TMEM237: variants seen among roughly 807,000 people sequenced by gnomAD.
The protein encoded by TMEM237 is transmembrane protein 237, also known as amyotrophic lateral sclerosis 2 (juvenile) chromosome region, candidate 4.
In TMEM237, 51 loss-of-function variants were observed where a neutral mutation model predicts 59.1. That is an observed-to-expected ratio of 0.86 (90% CI 0.69 to 1.09). The LOEUF is 1.09. Among genes scored for constraint, TMEM237 ranks in the 50% least tolerant of loss-of-function variants. The pLI, the probability that TMEM237 is intolerant of heterozygous loss-of-function variation, is 0.00. For synonymous variants in TMEM237, 140 were observed against 166.1 expected (o/e 0.84, Z 1.21); for missense variants, 475 against 478.3 (o/e 0.99, Z 0.06).
Position 201,640,999 on chromosome 2 carries a change from T to C in TMEM237, c.43-75A>G, listed in dbSNP as rs573742013. On this transcript the variant is annotated intron_variant, in intron 1 of 12. Coordinates refer to ENST00000409883, the MANE Select transcript of TMEM237 (RefSeq NM_001044385.3). ...TTACTTCAAATACCATCACGCTATT[T>C]TTTTTTTTTTGAGATGGTGTATTGC... 7.3e-6 allele frequency: 10 copies of C among 1,371,376 alleles called. No individual in the cohort carries two copies. In the East Asian group the frequency reaches 2.0e-4, roughly 27 times the overall value. The allele number at this position is 1,371,376 out of a possible 1,614,324, so 85.0% of individuals were successfully genotyped here. A position where few individuals can be genotyped will look rare whatever the true frequency, so the allele number is the denominator to read the frequency against.
At chr2:201,640,183 C>A in intron 3 of TMEM237, 78 bp downstream of exon 3, 2 of 1,177,832 alleles carry the variant, frequency 1.7e-6, no homozygotes, top group East Asian at 5.2e-5. Context: ...CATTCAGACT[C>A]AGTTTTAAGA....
chr2:201,620,236 T>C lies in TMEM237; in HGVS notation c.*4019A>G, dbSNP rs1957684012. The C allele has an allele frequency of 6.6e-6, 1 of 152,210 alleles. No homozygotes were observed. Among genetic ancestry groups the C allele is most frequent in the Admixed American group, 6.5e-5 (1 of 15,282 alleles). 9.4% of individuals were successfully genotyped at this position (152,210 alleles called of 1,614,324 possible). On this transcript the variant is annotated 3_prime_UTR_variant, in exon 13 of 13. Transcript: ENST00000409883. Reference sequence around the variant, plus strand: ...ACATAAAAATCTGAATTTCTTAATATGGAAACCAAAGGTCTGCAAAATGTA... The same window carrying C: ...ACATAAAAATCTGAATTTCTTAATACGGAAACCAAAGGTCTGCAAAATGTA...
chr2:201,634,859 T>C (rs1322923796), intron 5 of TMEM237: 4 of 448,076 alleles, frequency 8.9e-6, no homozygotes, highest in Non-Finnish European at 1.8e-5. Context: ...CTTCTACTCC[T>C]ATAATTCTTC....
chr2:201,636,093 T>C (rs1687292735), intron 5 of TMEM237: 1 of 152,242 alleles, frequency 6.6e-6, no homozygotes, highest in East Asian at 1.9e-4. Flanking sequence ...GGATGAAGTA[T>C]GATTTATTTA....
chr2:201,636,784 C>CAGG lies in TMEM237; in HGVS notation c.235_237dup (p.Pro79dup), dbSNP rs775288696. 1.9e-6 allele frequency: 3 copies of CAGG among 1,586,616 alleles called. No homozygotes were observed. The highest frequency in any genetic ancestry group is 3.6e-5 in the Admixed American group (2 of 55,320). ...CTTGTCTTTTTCTGTCTTCTTTGAA[C>CAGG]AGGAGCCTCTGGGTGCTCTTTGAGT... On this transcript the variant is annotated inframe_insertion, in exon 5 of 13. Coordinates refer to ENST00000409883, the MANE Select transcript of TMEM237 (RefSeq NM_001044385.3).
At position 201,643,387 on chromosome 2, in the gene TMEM237, G is replaced by A. The variant is rs562984785; in HGVS notation, c.14C>T (p.Ser5Leu). Residue 5 changes from serine (S) to leucine (L), a missense_variant, in exon 1 of 13, where the codon TCG (serine) becomes TTG (leucine). Coordinates refer to ENST00000409883, the MANE Select transcript of TMEM237 (RefSeq NM_001044385.3). The surrounding 1 kb of genome is among the most constrained non-coding windows in gnomAD (Gnocchi z 4.3). ...GTGGCCCTCCTCCAGCCGAGCCCCC[G>A]AGTCAGTCCTCATGGTGCTCTCCCC... MRTD[S>L]GARLEEGHLR... 3.4e-5 allele frequency: 53 copies of A among 1,541,604 alleles called. 1 individual carries two copies. In the South Asian group the frequency reaches 6.0e-4, roughly 17 times the overall value.
chr2:201,627,400 G>T lies in TMEM237; in HGVS notation c.958C>A (p.Leu320Ile). The change falls in exon 11 of 13, where the codon CTT becomes ATT. Residue 320 changes from leucine to isoleucine, a missense_variant. Leu to Ile is a conservative substitution (Grantham distance 5). Coordinates refer to ENST00000409883, the MANE Select transcript of TMEM237 (RefSeq NM_001044385.3). The part of the protein sequence containing the change: ...ALASFLYFTA[L>I]ILSLSQQMTS... ...ATTTGCTGACTCAGAGATAGTATAA[G>T]AGCAGTAAAGTACACTGAGAAAAAG... The T allele has an allele frequency of 6.3e-7, 1 of 1,598,018 alleles. No homozygotes were observed. Among genetic ancestry groups the T allele is most frequent in the South Asian group, 1.1e-5 (1 of 87,828 alleles).
rs569714782 is a variant in TMEM237 at position 201,634,061 on chromosome 2, C to T, written c.275-630G>A. ...AAATCACTATGTGTGCACAAATGCA[C>T]CGTGAGTCACCTTATAATTTAGGGA... On this transcript the variant is annotated intron_variant, in intron 5 of 12. Transcript: ENST00000409883. Among the ~76,000 whole-genome samples the T allele has an allele frequency of 2.4e-4, 36 of 152,288 alleles. 1 individual carries two copies. In the South Asian group the frequency reaches 7.5e-3, roughly 32 times the overall value.
chr2:201,628,814 T>C (rs1957782207), intron 9 of TMEM237, among the ~76,000 whole-genome samples: 1 of 152,206 alleles, frequency 6.6e-6, no homozygotes, highest in African/African-American at 2.4e-5. Context: ...GAATCAACCC[T>C]GGCCACATCC....
chr2:201,632,784 T>C (rs553709055), intron 6 of TMEM237, among the ~76,000 whole-genome samples: 76 of 152,332 alleles, frequency 5.0e-4, no homozygotes, highest in Non-Finnish European at 1.0e-3. Flanking sequence ...TTATTAGTAG[T>C]GTGAGAACGG....
intron 8 of TMEM237, 122 bp from the exon 9 acceptor site, chr2:201,629,543 CTTTCT>C: frequency 7.6e-7 from 1 of 1,308,410 alleles, no homozygotes; most frequent in Non-Finnish European, 1.0e-6. Context: ...AAAGCAAGCT[CTTTCT>C]TTTTAGTTAC....
At chr2:201,626,260 A>T in intron 11 of TMEM237, 113 bp from the exon 12 acceptor site, 1 of 1,136,430 alleles carries the variant, frequency 8.8e-7, no homozygotes, top group South Asian at 1.7e-5. Context: ...GAGAAATAAC[A>T]AGTAAAGTGT....
chr2:201,639,376 G>C (rs1687366088), intron 3 of TMEM237, among the ~76,000 whole-genome samples: 1 of 152,242 alleles, frequency 6.6e-6, no homozygotes, highest in Non-Finnish European at 1.5e-5. Flanking sequence ...GTGAGCAGAA[G>C]TGATCTGTGT....
intron 10 of TMEM237, among the ~76,000 whole-genome samples, chr2:201,627,650 C>T (rs1043155885): frequency 3.3e-5 from 5 of 152,048 alleles, no homozygotes; most frequent in Non-Finnish European, 5.9e-5. Context: ...CTGACAAGAA[C>T]CTAGAACATC....
At chr2:201,641,056 A>C in intron 1 of TMEM237, 132 bp from the exon 2 acceptor site, 1 of 666,302 alleles carries the variant, frequency 1.5e-6, no homozygotes, top group Non-Finnish European at 2.4e-6. Flanking sequence ...CAACGGCACG[A>C]TCTTGGCTCA....
At position 201,622,712 on chromosome 2, in the gene TMEM237, C is replaced by T. The variant is rs2105895617; in HGVS notation, c.*1543G>A. ...ATGTCCCCGTTTTAAGGTTCATAAC[C>T]TTAATCATATCTGCAAATCCCTTTG... is the stretch of plus-strand genomic sequence containing the variant. On this transcript the variant is annotated 3_prime_UTR_variant, in exon 13 of 13. Coordinates refer to ENST00000409883, the MANE Select transcript of TMEM237 (RefSeq NM_001044385.3). 1 of 152,430 alleles carries T rather than the reference C, an allele frequency of 6.6e-6. No homozygotes were observed. The highest frequency in any genetic ancestry group is 1.9e-4 in the East Asian group (1 of 5,202). The allele number at this position is 152,430 out of a possible 1,614,324, so 9.4% of individuals were successfully genotyped here.
chr2:201,632,673 C>G (rs1344361481), intron 6 of TMEM237, among the ~76,000 whole-genome samples: 2 of 152,176 alleles, frequency 1.3e-5, no homozygotes, highest in African/African-American at 4.8e-5. Context: ...GCTTCACCTT[C>G]CACCATGATA....
chr2:201,629,182 G>A (rs745454164), intron 9 of TMEM237, 48 bp downstream of exon 9: 1 of 1,378,914 alleles, frequency 7.3e-7, no homozygotes. Context: ...ATTTTGCTCA[G>A]CATTTCCTCC....
chr2:201,642,533 C>T (rs1202463133), intron 1 of TMEM237: 1 of 1,551,560 alleles, frequency 6.4e-7, no homozygotes, highest in Non-Finnish European at 8.7e-7. Context: ...GAGACCCAAC[C>T]TCTAATCCTC....
Sources: gnomAD v4.1 joint callset for allele counts (sites outside exome capture counted in the v4.1 genomes callset) on GRCh38, gnomAD v4.1.1 for gene constraint, Gnocchi (gnomAD v3.1) non-coding constraint, MANE v1.5 for transcripts, NCBI Gene and HGNC (gene_info 2026-07-23, HGNC 2026-07-21) for gene names.